SFN: variants seen among roughly 807,000 people sequenced by gnomAD.
SFN encodes stratifin, also known as 14-3-3 protein sigma.
A neutral mutation model predicts 19.1 loss-of-function variants in SFN; 5 were observed. That is an observed-to-expected ratio of 0.26 (90% CI 0.14 to 0.55). SFN has a LOEUF of 0.55. Ranked by LOEUF, SFN falls within the 20% of genes least tolerant of loss-of-function variation. SFN has a pLI of 0.94. For missense variants in SFN, 287 were observed against 330.0 expected (o/e 0.87, Z 1.01); for synonymous variants, 130 against 140.9 (o/e 0.92, Z 0.55).
chr1:26,863,920 G>A lies in SFN; in HGVS notation c.708G>A (p.Gly236=). ...NLTLWTADNA[G]EEGGEAPQEP... Reference sequence around the variant, plus strand: ...CACTGTGGACGGCCGACAACGCCGGGGAAGAGGGGGGCGAGGCTCCCCAGG... The same window carrying A: ...CACTGTGGACGGCCGACAACGCCGGAGAAGAGGGGGGCGAGGCTCCCCAGG... Residue 236 remains glycine, a synonymous_variant, in exon 1 of 1, where the codon GGG becomes GGA. Transcript: ENST00000339276. The surrounding 1 kb of genome is among the most constrained non-coding windows in gnomAD (Gnocchi z 7.4). 6.2e-7 allele frequency: 1 copy of A among 1,613,802 alleles called. No individual in the cohort carries two copies. Among genetic ancestry groups the A allele is most frequent in the Non-Finnish European group, 8.5e-7 (1 of 1,179,870 alleles).
chr1:26,863,560 C>G lies in SFN; in HGVS notation c.348C>G (p.Ser116Arg). Reference sequence around the variant, plus strand: ...TCAAGGAGGCCGGGGACGCCGAGAGCCGGGTCTTCTACCTGAAGATGAAGG... The same window carrying G: ...TCAAGGAGGCCGGGGACGCCGAGAGGCGGGTCTTCTACCTGAAGATGAAGG... ...HLIKEAGDAE[S>R]RVFYLKMKGD... is the part of the protein sequence containing the mutation. Residue 116 changes from serine to arginine, a missense_variant, in exon 1 of 1, where the codon AGC becomes AGG. By Grantham distance (110) the Ser-to-Arg change is moderately radical. Coordinates refer to ENST00000339276, the MANE Select transcript of SFN (RefSeq NM_006142.5). The surrounding 1 kb of genome is among the most constrained non-coding windows in gnomAD (Gnocchi z 7.4). The G allele has an allele frequency of 6.2e-7, 1 of 1,614,018 alleles. No homozygotes were observed. Among genetic ancestry groups the G allele is most frequent in the South Asian group, 1.1e-5 (1 of 91,074 alleles).
chr1:26,864,105 GC>G lies in SFN; in HGVS notation c.*148del. ...GTGGAGAGGGACTGGCAGAGCTGAG[GC>G]CACCTGGGGCTGGGGATCCCACTCT... is the stretch of plus-strand genomic sequence containing the variant. On this transcript the variant is annotated 3_prime_UTR_variant, in exon 1 of 1. Transcript: ENST00000339276. This position sits in a 1 kb window ranked among gnomAD's most constrained non-coding sequence, Gnocchi z 5.2. 1 of 709,772 alleles carries G rather than the reference GC, an allele frequency of 1.4e-6. No homozygotes were observed. Among genetic ancestry groups the G allele is most frequent in the South Asian group, 2.0e-5 (1 of 50,742 alleles). 44.0% of individuals were successfully genotyped at this position (709,772 alleles called of 1,614,324 possible). A position where few individuals can be genotyped will look rare whatever the true frequency, so the allele number is the denominator to read the frequency against.
Position 26,863,560 on chromosome 1 carries a change from C to T in SFN, c.348C>T (p.Ser116=). Residue 116 remains serine, a synonymous_variant, in exon 1 of 1, where the codon AGC becomes AGT. Transcript: ENST00000339276. The surrounding 1 kb of genome is among the most constrained non-coding windows in gnomAD (Gnocchi z 7.4). The part of the protein sequence containing the change: ...HLIKEAGDAE[S]RVFYLKMKGD... ...TCAAGGAGGCCGGGGACGCCGAGAG[C>T]CGGGTCTTCTACCTGAAGATGAAGG... is the stretch of plus-strand genomic sequence containing the variant. 3.1e-6 allele frequency: 5 copies of T among 1,614,018 alleles called. No homozygotes were observed. In the South Asian group the frequency reaches 3.3e-5, roughly 11 times the overall value.
At position 26,863,570 on chromosome 1, in the gene SFN, T is replaced by C; in HGVS notation, c.358T>C (p.Tyr120His). 2 of 1,614,038 alleles carry C rather than the reference T, an allele frequency of 1.2e-6. No individual in the cohort carries two copies. The highest frequency in any genetic ancestry group is 1.7e-6 in the Non-Finnish European group (2 of 1,179,982). Residue 120 changes from tyrosine to histidine, a missense_variant, in exon 1 of 1, where the codon TAC (tyrosine) becomes CAC (histidine). Coordinates refer to ENST00000339276, the MANE Select transcript of SFN (RefSeq NM_006142.5). The surrounding 1 kb of genome is among the most constrained non-coding windows in gnomAD (Gnocchi z 7.4). ...CGGGGACGCCGAGAGCCGGGTCTTC[T>C]ACCTGAAGATGAAGGGTGACTACTA... ...EAGDAESRVFYLKMKGDYYRY... is the reference protein window; with the variant it reads ...EAGDAESRVFHLKMKGDYYRY...
Position 26,863,909 on chromosome 1 carries a change from G to T in SFN, c.697G>T (p.Asp233Tyr). 2 of 1,613,942 alleles carry T rather than the reference G, an allele frequency of 1.2e-6. No homozygotes were observed. The highest frequency in any genetic ancestry group is 1.7e-5 in the Admixed American group (1 of 60,010). Residue 233 changes from aspartate (D) to tyrosine (Y), a missense_variant, in exon 1 of 1, where the codon GAC (aspartate) becomes TAC (tyrosine). Asp to Tyr is a radical substitution (Grantham distance 160, BLOSUM62 -3). Transcript: ENST00000339276. The surrounding 1 kb of genome is among the most constrained non-coding windows in gnomAD (Gnocchi z 7.4). ...LRDNLTLWTA[D>Y]NAGEEGGEAP... ...AGACAACCTGACACTGTGGACGGCCGACAACGCCGGGGAAGAGGGGGGCGA... is the reference window on the plus strand; with the variant it reads ...AGACAACCTGACACTGTGGACGGCCTACAACGCCGGGGAAGAGGGGGGCGA...
Position 26,863,554 on chromosome 1 carries a change from C to A in SFN, c.342C>A (p.Ala114=). 6.2e-7 allele frequency: 1 copy of A among 1,613,918 alleles called. No individual in the cohort carries two copies. Among genetic ancestry groups the A allele is most frequent in the Non-Finnish European group, 8.5e-7 (1 of 1,179,930 alleles). ...DSHLIKEAGD[A]ESRVFYLKMK... is the part of the protein sequence containing the mutation. ...ACCTCATCAAGGAGGCCGGGGACGC[C>A]GAGAGCCGGGTCTTCTACCTGAAGA... is the stretch of plus-strand genomic sequence containing the variant. The change falls in exon 1 of 1, where the codon GCC becomes GCA. Residue 114 remains alanine, a synonymous_variant. Coordinates refer to ENST00000339276, the MANE Select transcript of SFN (RefSeq NM_006142.5). This position sits in a 1 kb window ranked among gnomAD's most constrained non-coding sequence, Gnocchi z 7.4.
Position 26,863,491 on chromosome 1 carries a change from G to A in SFN, c.279G>A (p.Gln93=). The A allele has an allele frequency of 6.2e-7, 1 of 1,614,068 alleles. No homozygotes were observed. Among genetic ancestry groups the A allele is most frequent in the Non-Finnish European group, 8.5e-7 (1 of 1,180,014 alleles). The part of the protein sequence containing the change: ...EYREKVETEL[Q]GVCDTVLGLL... ...GGGAGAAGGTGGAGACTGAGCTCCA[G>A]GGCGTGTGCGACACCGTGCTGGGCC... The change falls in exon 1 of 1, where the codon CAG becomes CAA. Residue 93 remains glutamine (Q), a synonymous_variant. Coordinates refer to ENST00000339276, the MANE Select transcript of SFN (RefSeq NM_006142.5). The surrounding 1 kb of genome is among the most constrained non-coding windows in gnomAD (Gnocchi z 7.4).
rs1007025492 is a variant in SFN, at chr1:26,864,023, TG to T, written c.*68del. On this transcript the variant is annotated 3_prime_UTR_variant, in exon 1 of 1. Transcript: ENST00000339276. The surrounding 1 kb of genome is among the most constrained non-coding windows in gnomAD (Gnocchi z 5.2). ...CCCCACCCTGCCGAGAGGACTAGTA[TG>T]GGGTGGGAGGCCCCACCCTTCTCCC... The T allele has an allele frequency of 4.4e-6, 6 of 1,376,874 alleles. No individual in the cohort carries two copies. Among genetic ancestry groups the T allele is most frequent in the African/African-American group, 1.5e-5 (1 of 68,698 alleles). The allele number at this position is 1,376,874 out of a possible 1,614,324, so 85.3% of individuals were successfully genotyped here.
Position 26,864,347 on chromosome 1 carries a change from GT to G in SFN, c.*389del. On this transcript the variant is annotated 3_prime_UTR_variant, in exon 1 of 1. Transcript: ENST00000339276. The surrounding 1 kb of genome is among the most constrained non-coding windows in gnomAD (Gnocchi z 5.2). Reference sequence around the variant, plus strand: ...TGGAGATGGGTGTGTGTGTGTGTGTGTGTGTGTGTGTGTGTGTGCGCGCGCG... The same window carrying G: ...TGGAGATGGGTGTGTGTGTGTGTGTGGTGTGTGTGTGTGTGTGCGCGCGCG... The G allele has an allele frequency of 4.6e-6, 1 of 217,708 alleles. No homozygotes were observed. The highest frequency in any genetic ancestry group is 9.9e-6 in the Non-Finnish European group (1 of 100,644). The allele number at this position is 217,708 out of a possible 1,614,324, so 13.5% of individuals were successfully genotyped here. A position where few individuals can be genotyped will look rare whatever the true frequency, so the allele number is the denominator to read the frequency against.
Position 26,863,969 on chromosome 1 carries a change from G to A in SFN, c.*10G>A, listed in dbSNP as rs1487739668. ...GGAGCCCCAGAGCTGAGTGTTGCCC[G>A]CCACCGCCCCGCCCTGCCCCCTCCA... On this transcript the variant is annotated 3_prime_UTR_variant, in exon 1 of 1. Transcript: ENST00000339276. The surrounding 1 kb of genome is among the most constrained non-coding windows in gnomAD (Gnocchi z 7.4). 3.2e-6 allele frequency: 5 copies of A among 1,577,892 alleles called. No homozygotes were observed. Among genetic ancestry groups the A allele is most frequent in the East Asian group, 2.3e-5 (1 of 44,052 alleles).
chr1:26,863,945 G>T lies in SFN; in HGVS notation c.733G>T (p.Glu245Ter). The T allele has an allele frequency of 6.2e-7, 1 of 1,610,724 alleles. No individual in the cohort carries two copies. The highest frequency in any genetic ancestry group is 8.5e-7 in the Non-Finnish European group (1 of 1,178,330). Residue 245 changes from glutamate (E) to a stop codon, truncating the protein, a stop_gained, in exon 1 of 1, where the codon GAG (glutamate) becomes TAG (stop). Transcript: ENST00000339276. LOFTEE classifies it high-confidence loss of function. The surrounding 1 kb of genome is among the most constrained non-coding windows in gnomAD (Gnocchi z 7.4). Reference protein sequence around the residue: ...AGEEGGEAPQEPQS With the variant: ...AGEEGGEAPQ ...GGAAGAGGGGGGCGAGGCTCCCCAGGAGCCCCAGAGCTGAGTGTTGCCCGC... is the reference window on the plus strand; with the variant it reads ...GGAAGAGGGGGGCGAGGCTCCCCAGTAGCCCCAGAGCTGAGTGTTGCCCGC...
Position 26,863,774 on chromosome 1 carries a change from G to A in SFN, c.562G>A (p.Glu188Lys), listed in dbSNP as rs761394832. Residue 188 changes from glutamate to lysine, a missense_variant, in exon 1 of 1, where the codon GAG (glutamate) becomes AAG (lysine). Coordinates refer to ENST00000339276, the MANE Select transcript of SFN (RefSeq NM_006142.5). This position sits in a 1 kb window ranked among gnomAD's most constrained non-coding sequence, Gnocchi z 7.4. ...CCACTACGAGATCGCCAACAGCCCC[G>A]AGGAGGCCATCTCTCTGGCCAAGAC... is the stretch of plus-strand genomic sequence containing the variant. ...VFHYEIANSP[E>K]EAISLAKTTF... is the part of the protein sequence containing the mutation. 2.5e-6 allele frequency: 4 copies of A among 1,614,014 alleles called. No individual in the cohort carries two copies. The highest frequency in any genetic ancestry group is 2.2e-5 in the East Asian group (1 of 44,890).
chr1:26,863,961 T>A lies in SFN; in HGVS notation c.*2T>A, dbSNP rs1352995938. On this transcript the variant is annotated 3_prime_UTR_variant, in exon 1 of 1. Transcript: ENST00000339276. The surrounding 1 kb of genome is among the most constrained non-coding windows in gnomAD (Gnocchi z 7.4). ...GCTCCCCAGGAGCCCCAGAGCTGAG[T>A]GTTGCCCGCCACCGCCCCGCCCTGC... 1.2e-6 allele frequency: 2 copies of A among 1,604,586 alleles called. No homozygotes were observed. The highest frequency in any genetic ancestry group is 1.3e-5 in the African/African-American group (1 of 74,658).
chr1:26,863,168 C>G lies in SFN; in HGVS notation c.-45C>G, dbSNP rs561148698. 2.5e-6 allele frequency: 4 copies of G among 1,604,826 alleles called. No individual in the cohort carries two copies. Among genetic ancestry groups the G allele is most frequent in the East Asian group, 4.5e-5 (2 of 44,776 alleles). ...AGAGACACAGAGTCCGGCATTGGTC[C>G]CAGGCAGCAGTTAGCCCGCCGCCCG... On this transcript the variant is annotated 5_prime_UTR_variant, in exon 1 of 1. Coordinates refer to ENST00000339276, the MANE Select transcript of SFN (RefSeq NM_006142.5). This position sits in a 1 kb window ranked among gnomAD's most constrained non-coding sequence, Gnocchi z 7.4.
chr1:26,863,437 G>A lies in SFN; in HGVS notation c.225G>A (p.Glu75=), dbSNP rs368074999. The A allele has an allele frequency of 6.0e-5, 97 of 1,614,102 alleles. No individual in the cohort carries two copies. Among genetic ancestry groups the A allele is most frequent in the Admixed American group, 2.7e-4 (16 of 60,006 alleles). The change falls in exon 1 of 1, where the codon GAG becomes GAA. Residue 75 remains glutamate, a synonymous_variant. Transcript: ENST00000339276. This position sits in a 1 kb window ranked among gnomAD's most constrained non-coding sequence, Gnocchi z 7.4. The part of the protein sequence containing the change: ...IEQKSNEEGS[E]EKGPEVREYR... ...AGAAAAGCAACGAGGAGGGCTCGGA[G>A]GAGAAGGGGCCCGAGGTGCGTGAGT...
At position 26,863,339 on chromosome 1, in the gene SFN, C is replaced by T; in HGVS notation, c.127C>T (p.Leu43=). 6.2e-7 allele frequency: 1 copy of T among 1,614,186 alleles called. No homozygotes were observed. Among genetic ancestry groups the T allele is most frequent in the Non-Finnish European group, 8.5e-7 (1 of 1,180,030 alleles). Reference sequence around the variant, plus strand: ...GGAGCTCTCCTGCGAAGAGCGAAACCTGCTCTCAGTAGCCTATAAGAACGT... The same window carrying T: ...GGAGCTCTCCTGCGAAGAGCGAAACTTGCTCTCAGTAGCCTATAAGAACGT... ...GEELSCEERN[L]LSVAYKNVVG... The change falls in exon 1 of 1, where the codon CTG becomes TTG. Residue 43 remains leucine (L), a synonymous_variant. Coordinates refer to ENST00000339276, the MANE Select transcript of SFN (RefSeq NM_006142.5). The surrounding 1 kb of genome is among the most constrained non-coding windows in gnomAD (Gnocchi z 7.4).
rs2124277368 is a variant in SFN, at chr1:26,863,230, G to A, written c.18G>A (p.Leu6=). The A allele has an allele frequency of 6.2e-7, 1 of 1,614,180 alleles. No individual in the cohort carries two copies. The highest frequency in any genetic ancestry group is 8.5e-7 in the Non-Finnish European group (1 of 1,180,042). ...CCAGAGCCATGGAGAGAGCCAGTCT[G>A]ATCCAGAAGGCCAAGCTGGCAGAGC... is the stretch of plus-strand genomic sequence containing the variant. MERAS[L]IQKAKLAEQA... is the part of the protein sequence containing the mutation. Residue 6 remains leucine, a synonymous_variant, in exon 1 of 1, where the codon CTG becomes CTA. Transcript: ENST00000339276. The surrounding 1 kb of genome is among the most constrained non-coding windows in gnomAD (Gnocchi z 7.4).
chr1:26,863,636 C>T lies in SFN; in HGVS notation c.424C>T (p.Arg142Cys), dbSNP rs1418170142. Residue 142 changes from arginine to cysteine, a missense_variant, in exon 1 of 1, where the codon CGC becomes TGC. Arg to Cys is a radical substitution (Grantham distance 180, BLOSUM62 -3). Transcript: ENST00000339276. The surrounding 1 kb of genome is among the most constrained non-coding windows in gnomAD (Gnocchi z 7.4). ...AEVATGDDKKRIIDSARSAYQ... is the reference protein window; with the variant it reads ...AEVATGDDKKCIIDSARSAYQ... ...GGTGGCCACCGGTGACGACAAGAAG[C>T]GCATCATTGACTCAGCCCGGTCAGC... 2.5e-6 allele frequency: 4 copies of T among 1,613,986 alleles called. 1 individual carries two copies. The highest frequency in any genetic ancestry group is 3.3e-5 in the Admixed American group (2 of 59,996).
Sources: gnomAD v4.1 joint callset for allele counts on GRCh38, gnomAD v4.1.1 for gene constraint, Gnocchi (gnomAD v3.1) non-coding constraint, MANE v1.5 for transcripts, NCBI Gene and HGNC (gene_info 2026-07-23, HGNC 2026-07-21) for gene names.